Variants in CDK8 observed in about 807,000 individuals in gnomAD.
CDK8 encodes cyclin dependent kinase 8.
CDK8 carries 29 observed loss-of-function variants against 71.5 expected under a neutral mutation model. The observed-to-expected ratio is 0.41, with a 90% CI of 0.30 to 0.55. CDK8 has a LOEUF of 0.55. Ranked by LOEUF, CDK8 falls within the 20% of genes least tolerant of loss-of-function variation. CDK8 has a pLI of 0.37. For synonymous variants in CDK8, 161 were observed against 192.1 expected, an observed-to-expected ratio of 0.84 and a Z score of 1.34; for missense variants, 288 against 572.6, an observed-to-expected ratio of 0.50 and a Z score of 5.07.
chr13:26,255,445 A>G (rs909297696), intron 1 of CDK8, among the ~76,000 whole-genome samples: 5 of 152,198 alleles, frequency 3.3e-5, no homozygotes, highest in African/African-American at 9.7e-5. Context: ...TTTCCCCCAA[A>G]TTTAGCGGCT....
At chr13:26,381,192 G>A (rs1875209815) in intron 4 of CDK8, among the ~76,000 whole-genome samples, 1 of 152,164 alleles carries the variant, frequency 6.6e-6, no homozygotes, top group Admixed American at 6.5e-5. Context: ...TTCTTCCTGA[G>A]CCCACATTTT....
At chr13:26,402,220 A>T (rs1253217507) in intron 12 of CDK8, among the ~76,000 whole-genome samples, 1 of 152,182 alleles carries the variant, frequency 6.6e-6, no homozygotes, top group Non-Finnish European at 1.5e-5. Flanking sequence ...TAGAGGTTAA[A>T]TAACTTTCAC....
At chr13:26,329,469 G>GTTTTTTTTTTTTTTTTT (rs35796023) in intron 1 of CDK8, among the ~76,000 whole-genome samples, 3 of 71,572 alleles carry the variant, frequency 4.2e-5, no homozygotes, top group Admixed American at 1.5e-4. Context: ...GCCTATTTCT[G>GTTTTTTTTTTTTTTTTT]TTTTTTTTTT....
At chr13:26,299,323 T>C (rs1275860845) in intron 1 of CDK8, among the ~76,000 whole-genome samples, 1 of 152,140 alleles carries the variant, frequency 6.6e-6, no homozygotes, top group African/African-American at 2.4e-5. Context: ...GAGAAATGCA[T>C]TGTTAGGTGA....
chr13:26,315,435 GA>G (rs1018146167), intron 1 of CDK8, among the ~76,000 whole-genome samples: 1 of 152,208 alleles, frequency 6.6e-6, no homozygotes, highest in Non-Finnish European at 1.5e-5. Context: ...GTGTGTGTGT[GA>G]GTGTGTTGTG....
At chr13:26,299,372 A>G (rs1873713640) in intron 1 of CDK8, among the ~76,000 whole-genome samples, 1 of 152,106 alleles carries the variant, frequency 6.6e-6, no homozygotes, top group Admixed American at 6.5e-5. Context: ...AGTGTACTTA[A>G]ACCTAGATGG....
intron 12 of CDK8, among the ~76,000 whole-genome samples, chr13:26,403,059 T>C (rs1206544164): frequency 6.6e-6 from 1 of 152,200 alleles, no homozygotes; most frequent in Non-Finnish European, 1.5e-5. Context: ...GAGAGAGGTG[T>C]GAGAATGGGA....
chr13:26,328,869 C>T (rs1875153362), intron 1 of CDK8, among the ~76,000 whole-genome samples: 1 of 152,180 alleles, frequency 6.6e-6, no homozygotes, highest in African/African-American at 2.4e-5. Context: ...CTCACTTTGT[C>T]TCCTGCTATT....
In CDK8 at chr13:26,373,018, A is replaced by G. The variant is rs182818752; in HGVS notation, c.457-9796A>G. The stretch of plus-strand genomic sequence containing the variant: ...CCTTCTTGAATAAACCCAGGTATTT[A>G]CCACTTCAGAGCCTTCTTGTTTTAA... On this transcript the variant is annotated intron_variant, in intron 4 of 12. Transcript: ENST00000381527. Among the ~76,000 whole-genome samples the G allele has an allele frequency of 1.4e-3, 217 of 152,304 alleles. 3 individuals carry two copies. Among genetic ancestry groups the G allele is most frequent in the East Asian group, 4.4e-3 (23 of 5,182 alleles).
Position 26,283,282 on chromosome 13 carries a change from C to A in CDK8, c.128+28513C>A, listed in dbSNP as rs550021619. On this transcript the variant is annotated intron_variant, in intron 1 of 12. Coordinates refer to ENST00000381527, the MANE Select transcript of CDK8 (RefSeq NM_001260.3). Reference sequence around the variant, plus strand: ...CACATGGAACATTCTCTAAGATAGACCATATGATAGGTCATGAAACAGGTC... The same window carrying A: ...CACATGGAACATTCTCTAAGATAGAACATATGATAGGTCATGAAACAGGTC... Among the ~76,000 whole-genome samples, 18 of 152,280 alleles carry A rather than the reference C, an allele frequency of 1.2e-4. No homozygotes were observed. In the South Asian group the frequency reaches 3.3e-3, roughly 28 times the overall value.
intron 1 of CDK8, among the ~76,000 whole-genome samples, chr13:26,296,480 TG>T (rs1223610885): frequency 2.6e-5 from 4 of 152,106 alleles, no homozygotes; most frequent in Non-Finnish European, 5.9e-5. Flanking sequence ...TCCTCTTAAG[TG>T]GTTGGGGAAT....
chr13:26,352,604 G>A (rs1873729816), intron 3 of CDK8, among the ~76,000 whole-genome samples: 1 of 152,062 alleles, frequency 6.6e-6, no homozygotes. Flanking sequence ...TTAAATTGTT[G>A]TAGCTCTGTT....
intron 4 of CDK8, among the ~76,000 whole-genome samples, chr13:26,368,920 G>C (rs1476967091): frequency 6.6e-6 from 1 of 151,860 alleles, no homozygotes; most frequent in Non-Finnish European, 1.5e-5. Flanking sequence ...CCTTGCAGTG[G>C]AACCAACACA....
intron 4 of CDK8, among the ~76,000 whole-genome samples, chr13:26,379,405 T>TA (rs1404444220): frequency 6.6e-6 from 1 of 152,196 alleles, no homozygotes; most frequent in Non-Finnish European, 1.5e-5. Context: ...TTGACAAAGA[T>TA]ACTATTTATC....
At chr13:26,281,957 G>C (rs2137886841) in intron 1 of CDK8, among the ~76,000 whole-genome samples, 1 of 151,846 alleles carries the variant, frequency 6.6e-6, no homozygotes, top group African/African-American at 2.4e-5. Flanking sequence ...AGAACAAATA[G>C]AAGAAAGAAC....
chr13:26,273,458 G>GT (rs1163473659), intron 1 of CDK8, among the ~76,000 whole-genome samples: 1 of 152,050 alleles, frequency 6.6e-6, no homozygotes, highest in East Asian at 1.9e-4. Context: ...GGTAATTAAA[G>GT]TTTTCTGGGT....
intron 1 of CDK8, among the ~76,000 whole-genome samples, chr13:26,255,839 TTAGG>T (rs1461252065): frequency 3.3e-5 from 5 of 152,272 alleles, no homozygotes; most frequent in Admixed American, 6.5e-5. Context: ...AAATTTCCAA[TTAGG>T]TAGGAGAGTA....
intron 2 of CDK8, among the ~76,000 whole-genome samples, chr13:26,346,437 TG>T (rs1873464698): frequency 6.6e-6 from 1 of 152,376 alleles, no homozygotes; most frequent in East Asian, 1.9e-4. Context: ...TGGAATTTGT[TG>T]TTTTTTTATA....
chr13:26,333,410 G>T (rs1410621080), intron 1 of CDK8, among the ~76,000 whole-genome samples: 1 of 152,114 alleles, frequency 6.6e-6, no homozygotes, highest in Non-Finnish European at 1.5e-5. Context: ...AAAGTGCTGG[G>T]ATTACAGGTG....
Sources: allele counts gnomAD v4.1 joint callset (sites outside exome capture counted in the v4.1 genomes callset), GRCh38; gene constraint gnomAD v4.1.1; transcripts MANE v1.5; gene names NCBI Gene and HGNC (gene_info 2026-07-23, HGNC 2026-07-21).